The following GRIK1 variants were observed in gnomAD, a reference collection of about 807,000 sequenced individuals.
GRIK1 encodes the protein glutamate receptor ionotropic, kainate 1.
A neutral mutation model predicts 105.7 loss-of-function variants in GRIK1; 69 were observed. That is an observed-to-expected ratio of 0.65 (90% CI 0.54 to 0.80). GRIK1 has a LOEUF of 0.80. GRIK1 is among the 30% of genes least tolerant of loss of function. GRIK1 has a pLI of 0.00. For missense variants in GRIK1, 1,109 were observed against 1,167.3 expected (o/e 0.95, Z 0.73); for synonymous variants, 438 against 431.3 (o/e 1.02, Z -0.19).
chr21:29,580,476 G>A (rs977891847), intron 13 of GRIK1, among the ~76,000 whole-genome samples: 1 of 89,626 alleles, frequency 1.1e-5, no homozygotes, highest in Non-Finnish European at 2.4e-5. Context: ...TTATAATTTG[G>A]TATTTCCACA....
intron 1 of GRIK1, among the ~76,000 whole-genome samples, chr21:29,933,913 T>C (rs1267791057): frequency 6.6e-6 from 1 of 152,186 alleles, no homozygotes; most frequent in African/African-American, 2.4e-5. Flanking sequence ...CTATGACATA[T>C]GGATAATTAT....
At chr21:29,855,082 C>T (rs569922563) in intron 1 of GRIK1, among the ~76,000 whole-genome samples, 1 of 152,184 alleles carries the variant, frequency 6.6e-6, no homozygotes, top group African/African-American at 2.4e-5. Flanking sequence ...AAGACCTGAA[C>T]TTGGGCTCTA....
chr21:29,929,068 A>G (rs184106759), intron 1 of GRIK1, among the ~76,000 whole-genome samples: 150 of 152,322 alleles, frequency 9.8e-4, no homozygotes, highest in African/African-American at 3.6e-3. Context: ...TTCATGCAGC[A>G]TATCAGTTCA....
chr21:29,923,753 C>G (rs546589169), intron 1 of GRIK1, among the ~76,000 whole-genome samples: 1 of 152,228 alleles, frequency 6.6e-6, no homozygotes, highest in South Asian at 2.1e-4. Flanking sequence ...TGACAAACAA[C>G]GTTTAGTTAT....
intron 1 of GRIK1, among the ~76,000 whole-genome samples, chr21:29,873,755 T>G (rs1254079264): frequency 6.6e-6 from 1 of 152,248 alleles, no homozygotes; most frequent in Non-Finnish European, 1.5e-5. Context: ...AGAACAAGTT[T>G]AGATTTTATC....
chr21:29,881,318 A>G (rs2069400186), intron 1 of GRIK1, among the ~76,000 whole-genome samples: 1 of 152,106 alleles, frequency 6.6e-6, no homozygotes, highest in Non-Finnish European at 1.5e-5. Context: ...AATCATGCTT[A>G]TTGAAGATTA....
intron 1 of GRIK1, among the ~76,000 whole-genome samples, chr21:29,899,354 T>C (rs1240271730): frequency 2.6e-5 from 4 of 152,248 alleles, no homozygotes; most frequent in Non-Finnish European, 5.9e-5. Flanking sequence ...CTTTCTAAGC[T>C]TGGCTATTAT....
chr21:29,640,285 C>T (rs2062485529), intron 7 of GRIK1, among the ~76,000 whole-genome samples: 3 of 152,134 alleles, frequency 2.0e-5, no homozygotes, highest in African/African-American at 7.2e-5. Context: ...AACACGTGCA[C>T]TTTCTCTTTT....
intron 1 of GRIK1, among the ~76,000 whole-genome samples, chr21:29,891,088 G>T (rs896315408): frequency 1.3e-5 from 2 of 151,978 alleles, no homozygotes; most frequent in African/African-American, 4.8e-5. Flanking sequence ...ATGCCTCAGT[G>T]GACTATTTGG....
chr21:29,721,384 A>C (rs1428061894), intron 1 of GRIK1, among the ~76,000 whole-genome samples: 1 of 152,190 alleles, frequency 6.6e-6, no homozygotes, highest in Non-Finnish European at 1.5e-5. Context: ...GAAAGATCGC[A>C]GTGAGAGACC....
intron 1 of GRIK1, among the ~76,000 whole-genome samples, chr21:29,842,759 GT>G: frequency 6.6e-6 from 1 of 152,230 alleles, no homozygotes; most frequent in East Asian, 1.9e-4. Flanking sequence ...TAGCTTTACA[GT>G]TTGCTACCTG....
At chr21:29,816,953 A>G (rs1323922057) in intron 1 of GRIK1, among the ~76,000 whole-genome samples, 2 of 152,170 alleles carry the variant, frequency 1.3e-5, no homozygotes, top group Non-Finnish European at 2.9e-5. Flanking sequence ...ACCAACACAA[A>G]GAAACAATAA....
At chr21:29,624,983 G>T (rs1006395725) in intron 7 of GRIK1, among the ~76,000 whole-genome samples, 2 of 152,176 alleles carry the variant, frequency 1.3e-5, no homozygotes, top group Non-Finnish European at 2.9e-5. Context: ...TGTTCCTCAG[G>T]GTGAGCTCAT....
At chr21:29,848,747 T>TTGTGTGTG (rs143185091) in intron 1 of GRIK1, among the ~76,000 whole-genome samples, 10 of 78,520 alleles carry the variant, frequency 1.3e-4, no homozygotes, top group East Asian at 4.1e-4. Context: ...ATAGACCAAG[T>TTGTGTGTG]TGTGTGTGTA....
At chr21:29,781,710 C>CCGGACTG (rs71191126) in intron 1 of GRIK1, among the ~76,000 whole-genome samples, 8,379 of 69,708 alleles carry the variant, frequency 0.12, 299 homozygotes, top group Middle Eastern at 0.22. Flanking sequence ...GTCGCCCAGG[C>CCGGACTG]CGGACTGCGG....
At chr21:29,823,601 G>A (rs773396243) in intron 1 of GRIK1, among the ~76,000 whole-genome samples, 57 of 151,930 alleles carry the variant, frequency 3.8e-4, no homozygotes, top group Non-Finnish European at 7.1e-4. Flanking sequence ...AGGAAAGAAT[G>A]TAGAAGGAGG....
chr21:29,728,286 G>T (rs1041779400), intron 1 of GRIK1, among the ~76,000 whole-genome samples: 7 of 152,160 alleles, frequency 4.6e-5, no homozygotes, highest in African/African-American at 1.4e-4. Context: ...CTACTCATGT[G>T]CAGGATGGAT....
At chr21:29,717,700 G>C (rs2064212952) in intron 1 of GRIK1, among the ~76,000 whole-genome samples, 1 of 152,234 alleles carries the variant, frequency 6.6e-6, no homozygotes, top group Non-Finnish European at 1.5e-5. Flanking sequence ...AGTTGGAAGG[G>C]ACTTGCCTTG....
At chr21:29,693,591 G>T (rs1397375728) in intron 2 of GRIK1, among the ~76,000 whole-genome samples, 1 of 152,116 alleles carries the variant, frequency 6.6e-6, no homozygotes, top group African/African-American at 2.4e-5. Context: ...TTTCATGGTG[G>T]TATCTCAGCT....
Sources: gnomAD v4.1 joint callset for allele counts (sites outside exome capture counted in the v4.1 genomes callset) on GRCh38, gnomAD v4.1.1 for gene constraint, MANE v1.5 for transcripts, NCBI Gene and HGNC (gene_info 2026-07-23, HGNC 2026-07-21) for gene names.